The following PYROXD1 variants were observed in gnomAD, a reference collection of about 807,000 sequenced individuals.
PYROXD1 encodes the protein pyridine nucleotide-disulphide oxidoreductase domain 1, also known as tRNA ligase complex-associated NAD(P)H dehydrogenase PYROXD1.
Under a neutral mutation model 62.0 loss-of-function variants are expected in PYROXD1, and 42 were observed. The observed-to-expected ratio is 0.68, with a 90% CI of 0.53 to 0.88. The LOEUF is 0.88. PYROXD1 is among the 40% of genes least tolerant of loss of function. The pLI, the probability that PYROXD1 is intolerant of heterozygous loss-of-function variation, is 0.00. For synonymous variants in PYROXD1, 170 were observed against 206.4 expected (o/e 0.82, Z 1.51); for missense variants, 493 against 604.8 (o/e 0.82, Z 1.94).
In PYROXD1 at chr12:21,449,777, C is replaced by T. The variant is rs1942458150; in HGVS notation, c.414+86C>T. On this transcript the variant is annotated intron_variant, in intron 4 of 11. Transcript: ENST00000240651. Reference sequence around the variant, plus strand: ...AAGTGTTCCACTTACAATTCCTAAACTGTAAGGGCAGAAGGGAAATTTTTG... The same window carrying T: ...AAGTGTTCCACTTACAATTCCTAAATTGTAAGGGCAGAAGGGAAATTTTTG... The T allele has an allele frequency of 4.1e-5, 49 of 1,201,810 alleles. No homozygotes were observed. In the South Asian group the frequency reaches 7.3e-4, roughly 18 times the overall value. 74.4% of individuals were successfully genotyped at this position (1,201,810 alleles called of 1,614,324 possible). A position where few individuals can be genotyped will look rare whatever the true frequency, so the allele number is the denominator to read the frequency against.
chr12:21,465,242 C>T (rs1942770890), intron 10 of PYROXD1, among the ~76,000 whole-genome samples: 1 of 152,196 alleles, frequency 6.6e-6, no homozygotes, highest in South Asian at 2.1e-4. Flanking sequence ...GAGGAATCGC[C>T]ACACCAACTT....
chr12:21,442,893 G>A (rs956439440), intron 2 of PYROXD1, among the ~76,000 whole-genome samples: 1 of 152,134 alleles, frequency 6.6e-6, no homozygotes, highest in African/African-American at 2.4e-5. Context: ...GTATGCCAGG[G>A]TCATTATTGA....
chr12:21,467,995 A>C (rs1942834315), intron 11 of PYROXD1, among the ~76,000 whole-genome samples: 1 of 142,784 alleles, frequency 7.0e-6, no homozygotes. Context: ...AGTCCTCTTC[A>C]CATTGACAAA....
At position 21,468,905 on chromosome 12, in the gene PYROXD1, A is replaced by T. The variant is rs895778663; in HGVS notation, c.*151A>T. 4 of 740,446 alleles carry T rather than the reference A, an allele frequency of 5.4e-6. No homozygotes were observed. In the Middle Eastern group the frequency reaches 1.2e-3, roughly 222 times the overall value. The allele number at this position is 740,446 out of a possible 1,614,324, so 45.9% of individuals were successfully genotyped here. A position where few individuals can be genotyped will look rare whatever the true frequency, so the allele number is the denominator to read the frequency against. ...ATTAGTGGAAAAATATAAAAACATA[A>T]ATTCTAAGTTTGAAATCAGTTCAAA... On this transcript the variant is annotated 3_prime_UTR_variant, in exon 12 of 12. Transcript: ENST00000240651.
intron 10 of PYROXD1, among the ~76,000 whole-genome samples, chr12:21,466,629 C>T (rs1485337528): frequency 6.6e-6 from 1 of 152,148 alleles, no homozygotes; most frequent in South Asian, 2.1e-4. Flanking sequence ...TTGACTTCCT[C>T]TTTTCCTAAT....
Position 21,470,195 on chromosome 12 carries a change from C to G in PYROXD1, c.*1441C>G. The G allele has an allele frequency of 6.2e-7, 1 of 1,611,436 alleles. No homozygotes were observed. Among genetic ancestry groups the G allele is most frequent in the Non-Finnish European group, 8.5e-7 (1 of 1,178,436 alleles). ...TTAGAAAATTTAGTAACATTCATAT[C>G]AGGCATCATCGATTTTTCTTTTCTT... On this transcript the variant is annotated 3_prime_UTR_variant, in exon 12 of 12. Coordinates refer to ENST00000240651, the MANE Select transcript of PYROXD1 (RefSeq NM_024854.5).
In PYROXD1 at chr12:21,462,861, A is replaced by G; in HGVS notation, c.1115A>G (p.Gln372Arg). 1.2e-6 allele frequency: 2 copies of G among 1,613,134 alleles called. No individual in the cohort carries two copies. The highest frequency in any genetic ancestry group is 1.7e-6 in the Non-Finnish European group (2 of 1,179,808). ...TSWQLSPVWQ[Q>R]MRLWTQARQM... Reference sequence around the variant, plus strand: ...TGGCAGCTGAGCCCAGTCTGGCAGCAGGTAAGCTAGCATATATAATTATAT... The same window carrying G: ...TGGCAGCTGAGCCCAGTCTGGCAGCGGGTAAGCTAGCATATATAATTATAT... The change falls in exon 10 of 12, where the codon CAG becomes CGG. Residue 372 changes from glutamine to arginine, a missense_variant and splice_region_variant. By Grantham distance (43) the Gln-to-Arg change is conservative. Transcript: ENST00000240651.
intron 4 of PYROXD1, among the ~76,000 whole-genome samples, chr12:21,450,409 C>T (rs954696081): frequency 6.6e-6 from 1 of 152,036 alleles, no homozygotes; most frequent in African/African-American, 2.4e-5. Flanking sequence ...AAAAAAAATT[C>T]AAAAGATCTT....
chr12:21,461,264 A>T (rs1207326818), intron 8 of PYROXD1, 110 bp downstream of exon 8: 2 of 676,638 alleles, frequency 3.0e-6, no homozygotes, highest in Non-Finnish European at 4.5e-6. Flanking sequence ...ATAAAATTTA[A>T]ACATGAAAAG....
chr12:21,446,944 T>G (rs1360012889), intron 3 of PYROXD1, among the ~76,000 whole-genome samples: 2 of 152,106 alleles, frequency 1.3e-5, no homozygotes, highest in African/African-American at 2.4e-5. Flanking sequence ...TTTAAAAAAT[T>G]GATTTGAAAA....
chr12:21,447,769 G>C (rs138908063), intron 3 of PYROXD1: 1 of 163,906 alleles, frequency 6.1e-6, no homozygotes, highest in Non-Finnish European at 1.4e-5. Flanking sequence ...GGTGGATCAC[G>C]AGGTCAGGAG....
chr12:21,444,233 T>G (rs752465921), intron 2 of PYROXD1, among the ~76,000 whole-genome samples: 12 of 152,218 alleles, frequency 7.9e-5, no homozygotes, highest in Non-Finnish European at 1.5e-4. Context: ...AACTTAAATG[T>G]GCCAATAACA....
At chr12:21,453,179 CTAT>C (rs1449352494) in intron 5 of PYROXD1, among the ~76,000 whole-genome samples, 1 of 152,138 alleles carries the variant, frequency 6.6e-6, no homozygotes, top group Non-Finnish European at 1.5e-5. Flanking sequence ...GTATCACTTA[CTAT>C]TATTATAATT....
At chr12:21,457,688 G>C (rs947184202) in intron 7 of PYROXD1, among the ~76,000 whole-genome samples, 2 of 152,040 alleles carry the variant, frequency 1.3e-5, no homozygotes, top group African/African-American at 4.8e-5. Context: ...TACATGGCCA[G>C]AGCAAGAGGA....
Position 21,468,844 on chromosome 12 carries a change from G to C in PYROXD1, c.*90G>C, listed in dbSNP as rs373685050. On this transcript the variant is annotated 3_prime_UTR_variant, in exon 12 of 12. Transcript: ENST00000240651. ...AAATGAATGACTGTATTGAGTTAAT[G>C]ATGACCACACTGAAAATTACAGAAG... 8.8e-7 allele frequency: 1 copy of C among 1,130,250 alleles called. No individual in the cohort carries two copies. The highest frequency in any genetic ancestry group is 1.6e-5 in the South Asian group (1 of 61,704). The allele number at this position is 1,130,250 out of a possible 1,614,324, so 70.0% of individuals were successfully genotyped here.
rs12296109 is a variant in PYROXD1, at chr12:21,445,540, C to G, written c.285+74C>G. ...GAAGTTTTGCCTGCCTCTTTTCACT[C>G]CAGCTCTACTACCACCACCATTTAA... On this transcript the variant is annotated intron_variant, in intron 3 of 11. Coordinates refer to ENST00000240651, the MANE Select transcript of PYROXD1 (RefSeq NM_024854.5). The G allele has an allele frequency of 8.9e-3, 12,453 of 1,391,888 alleles. 826 individuals carry two copies. The African/African-American group carries it at 0.16, about 17-fold the overall frequency. The allele number at this position is 1,391,888 out of a possible 1,614,324, so 86.2% of individuals were successfully genotyped here. A position where few individuals can be genotyped will look rare whatever the true frequency, so the allele number is the denominator to read the frequency against.
Position 21,456,110 on chromosome 12 carries a change from A to G in PYROXD1, c.750+15A>G, listed in dbSNP as rs1371999431. Reference sequence around the variant, plus strand: ...GAACAAAAGAGGTATCTTTTCATATACTAATTGGTCATGTCTAAATGTAAT... The same window carrying G: ...GAACAAAAGAGGTATCTTTTCATATGCTAATTGGTCATGTCTAAATGTAAT... On this transcript the variant is annotated intron_variant, in intron 7 of 11. Coordinates refer to ENST00000240651, the MANE Select transcript of PYROXD1 (RefSeq NM_024854.5). 1 of 1,434,762 alleles carries G rather than the reference A, an allele frequency of 7.0e-7. No homozygotes were observed. The highest frequency in any genetic ancestry group is 9.7e-7 in the Non-Finnish European group (1 of 1,026,028). 88.9% of individuals were successfully genotyped at this position (1,434,762 alleles called of 1,614,324 possible). A position where few individuals can be genotyped will look rare whatever the true frequency, so the allele number is the denominator to read the frequency against.
At chr12:21,440,964 C>T (rs997576506) in intron 2 of PYROXD1, among the ~76,000 whole-genome samples, 3 of 152,026 alleles carry the variant, frequency 2.0e-5, no homozygotes, top group Non-Finnish European at 4.4e-5. Flanking sequence ...TCACATTTAC[C>T]GATTTGCATA....
chr12:21,455,885 G>A (rs1475317777), intron 6 of PYROXD1, 110 bp from the exon 7 acceptor site: 4 of 663,934 alleles, frequency 6.0e-6, no homozygotes, highest in African/African-American at 1.8e-5. Flanking sequence ...TAGTCATGCT[G>A]TAATGTATGT....
Sources: allele counts gnomAD v4.1 joint callset (sites outside exome capture counted in the v4.1 genomes callset), GRCh38; gene constraint gnomAD v4.1.1; transcripts MANE v1.5; gene names NCBI Gene and HGNC (gene_info 2026-07-23, HGNC 2026-07-21).